SSH2: variants seen among roughly 807,000 people sequenced by gnomAD.
SSH2 encodes slingshot protein phosphatase 2, also known as protein phosphatase Slingshot homolog 2.
In SSH2, 37 loss-of-function variants were observed where a neutral mutation model predicts 135.2. The observed-to-expected ratio is 0.27, with a 90% CI of 0.21 to 0.36. The LOEUF (loss-of-function observed/expected upper bound fraction) is 0.36, where lower values mean the gene tolerates loss of function less well. Ranked by LOEUF, SSH2 falls within the 10% of genes least tolerant of loss-of-function variation. The pLI is 1.00. For missense variants in SSH2, 1,408 were observed against 1,765.3 expected (o/e 0.80, Z 3.63); for synonymous variants, 628 against 646.2 (o/e 0.97, Z 0.43).
At chr17:29,735,358 G>C (rs1351848642) in intron 3 of SSH2, among the ~76,000 whole-genome samples, 1 of 152,088 alleles carries the variant, frequency 6.6e-6, no homozygotes, top group East Asian at 1.9e-4. Context: ...CAATGAATGG[G>C]AGTTGCACAG....
intron 14 of SSH2, chr17:29,645,435 A>C (rs2036332821): frequency 6.6e-6 from 1 of 152,138 alleles, no homozygotes; most frequent in Non-Finnish European, 1.5e-5. Context: ...TGCCCTTCTT[A>C]TCCTCATCTA....
At chr17:29,850,476 G>C (rs529140758) in intron 1 of SSH2, among the ~76,000 whole-genome samples, 85 of 152,272 alleles carry the variant, frequency 5.6e-4, no homozygotes, top group African/African-American at 1.9e-3. Context: ...TATACCCTCA[G>C]AGATAAGAGT....
chr17:29,769,422 C>T (rs1023276100), intron 3 of SSH2, among the ~76,000 whole-genome samples: 1 of 152,158 alleles, frequency 6.6e-6, no homozygotes, highest in Non-Finnish European at 1.5e-5. Context: ...TAACCTGGTA[C>T]TAAATATAGC....
intron 11 of SSH2, among the ~76,000 whole-genome samples, chr17:29,663,374 A>G (rs1037262534): frequency 6.6e-6 from 1 of 152,246 alleles, no homozygotes; most frequent in African/African-American, 2.4e-5. Flanking sequence ...TTCCGTGTCA[A>G]CTGCTAGGAA....
intron 2 of SSH2, among the ~76,000 whole-genome samples, chr17:29,806,614 C>A (rs2042350565): frequency 6.6e-6 from 1 of 152,096 alleles, no homozygotes; most frequent in African/African-American, 2.4e-5. Flanking sequence ...TGCCTGGAGC[C>A]CCTCTGAGTG....
intron 3 of SSH2, chr17:29,761,539 A>G: frequency 1.6e-6 from 1 of 631,068 alleles, no homozygotes; most frequent in Non-Finnish European, 2.0e-6. Flanking sequence ...AGATCTCGGG[A>G]CGCCCGCGCG....
chr17:29,751,187 G>T (rs1338645405), intron 3 of SSH2, among the ~76,000 whole-genome samples: 1 of 152,146 alleles, frequency 6.6e-6, no homozygotes, highest in Non-Finnish European at 1.5e-5. Context: ...AGGCCGAGGC[G>T]GGTGGATCAC....
intron 1 of SSH2, among the ~76,000 whole-genome samples, chr17:29,893,451 C>A (rs1256139121): frequency 6.6e-6 from 1 of 152,092 alleles, no homozygotes; most frequent in Admixed American, 6.6e-5. Flanking sequence ...TGACCTTATA[C>A]AAGAAGTGCC....
At chr17:29,751,680 T>C (rs1456608287) in intron 3 of SSH2, among the ~76,000 whole-genome samples, 1 of 152,206 alleles carries the variant, frequency 6.6e-6, no homozygotes, top group Non-Finnish European at 1.5e-5. Context: ...TATAATCTTA[T>C]GGGACCACTT....
At chr17:29,871,958 T>G (rs895519109) in intron 1 of SSH2, among the ~76,000 whole-genome samples, 4 of 152,244 alleles carry the variant, frequency 2.6e-5, no homozygotes, top group African/African-American at 9.6e-5. Context: ...GATGAATAAT[T>G]ACATTGTAGA....
intron 1 of SSH2, among the ~76,000 whole-genome samples, chr17:29,886,781 A>G (rs2066247003): frequency 6.6e-6 from 1 of 151,642 alleles, no homozygotes; most frequent in South Asian, 2.1e-4. Context: ...AAAAATTTGC[A>G]GACTGATGAT....
chr17:29,884,999 T>C (rs576261609), intron 1 of SSH2, among the ~76,000 whole-genome samples: 13 of 152,310 alleles, frequency 8.5e-5, no homozygotes, highest in African/African-American at 3.1e-4. Flanking sequence ...CAATCTGCAT[T>C]TTTACATATT....
chr17:29,891,626 G>A (rs1157152330), intron 1 of SSH2, among the ~76,000 whole-genome samples: 1 of 151,566 alleles, frequency 6.6e-6, no homozygotes, highest in Non-Finnish European at 1.5e-5. Flanking sequence ...TCAAACTTCT[G>A]ACAGGTGAAG....
chr17:29,657,574 GTTTTT>G (rs764763821), intron 11 of SSH2, among the ~76,000 whole-genome samples: 4 of 80,070 alleles, frequency 5.0e-5, no homozygotes, highest in Non-Finnish European at 4.5e-5. Context: ...CGGCTACTTT[GTTTTT>G]TTTTTTTTTT....
Position 29,696,267 on chromosome 17 carries a change from TAC to T in SSH2, c.293-746_293-745del, listed in dbSNP as rs957562211. Among the ~76,000 whole-genome samples the T allele has an allele frequency of 8.0e-5, 12 of 149,512 alleles. No homozygotes were observed. The East Asian group carries it at 2.0e-3, about 25-fold the overall frequency. ...GACTCCGTCTCAAAAAATATATATA[TAC>T]ACACACACGTATATATATGTATATA... On this transcript the variant is annotated intron_variant, in intron 4 of 15. Coordinates refer to ENST00000540801, the MANE Select transcript of SSH2 (RefSeq NM_001282129.2).
intron 3 of SSH2, among the ~76,000 whole-genome samples, chr17:29,791,653 G>T (rs954430427): frequency 2.0e-5 from 3 of 152,162 alleles, no homozygotes; most frequent in African/African-American, 4.8e-5. Context: ...CATTCAACTG[G>T]CAGGTAAGAT....
intron 3 of SSH2, among the ~76,000 whole-genome samples, chr17:29,770,119 T>TTA (rs1455869715): frequency 1.3e-5 from 2 of 148,912 alleles, no homozygotes; most frequent in African/African-American, 5.0e-5. Context: ...TTTTTTTTTT[T>TTA]AACAGAGTCT....
chr17:29,919,681 G>GA (rs2066940611), intron 1 of SSH2, among the ~76,000 whole-genome samples: 1 of 150,942 alleles, frequency 6.6e-6, no homozygotes, highest in South Asian at 2.1e-4. Flanking sequence ...GGCTCATCAA[G>GA]AATTACACTT....
chr17:29,684,497 A>G, intron 6 of SSH2, 66 bp downstream of exon 6: 1 of 1,473,622 alleles, frequency 6.8e-7, no homozygotes. Context: ...AAAAAAAAAA[A>G]AAAAAAGCAA....
Sources: gnomAD v4.1 joint callset for allele counts (sites outside exome capture counted in the v4.1 genomes callset) on GRCh38, gnomAD v4.1.1 for gene constraint, MANE v1.5 for transcripts, NCBI Gene and HGNC (gene_info 2026-07-23, HGNC 2026-07-21) for gene names.